C10orf53: variants seen among roughly 807,000 people sequenced by gnomAD.
C10orf53 encodes the protein chromosome 10 open reading frame 53.
C10orf53 carries 8 observed loss-of-function variants against 9.4 expected under a neutral mutation model. The ratio of observed to expected loss-of-function variants is 0.85; its 90% CI spans 0.50 to 1.53. The LOEUF (loss-of-function observed/expected upper bound fraction) is 1.53, where lower values mean the gene tolerates loss of function less well. Ranked by LOEUF, C10orf53 falls within the 40% of genes most tolerant of loss-of-function variation. The pLI, the probability that C10orf53 is intolerant of heterozygous loss-of-function variation, is 0.00. For missense variants in C10orf53, 117 were observed against 117.8 expected (o/e 0.99, Z 0.03); for synonymous variants, 48 against 46.0 (o/e 1.04, Z -0.18).
chr10:49,694,081 A>C (rs1372689221), intron 2 of C10orf53, 188 bp downstream of exon 2: 6 of 739,316 alleles, frequency 8.1e-6, no homozygotes, highest in Non-Finnish European at 1.3e-5. Context: ...CACACAGTAA[A>C]GTGTGTGATG....
downstream of C10orf53, among the ~76,000 whole-genome samples, chr10:49,699,965 T>G (rs1840668913): frequency 6.6e-6 from 1 of 151,912 alleles, no homozygotes; most frequent in Admixed American, 6.6e-5. Context: ...GCCTGCATGG[T>G]CACAGGTCTT....
chr10:49,683,049 T>C (rs889232227), intron 1 of C10orf53, among the ~76,000 whole-genome samples: 7 of 152,212 alleles, frequency 4.6e-5, no homozygotes, highest in African/African-American at 1.7e-4. Flanking sequence ...TAAACAAATA[T>C]CTGTTTGAAT....
downstream of C10orf53, among the ~76,000 whole-genome samples, chr10:49,700,401 C>T (rs575786394): frequency 2.4e-4 from 36 of 152,332 alleles, no homozygotes; most frequent in East Asian, 6.6e-3. Flanking sequence ...AAGCTACCTT[C>T]TGTCAGTCAT....
chr10:49,693,722 T>G, intron 1 of C10orf53, 52 bp from the exon 2 acceptor site: 2 of 1,570,886 alleles, frequency 1.3e-6, no homozygotes, highest in Non-Finnish European at 1.7e-6. Flanking sequence ...ACCAGTCAGG[T>G]TAGTTTGAAG....
rs1564507393 is a variant in C10orf53, at chr10:49,696,594, G to C, written c.*1992G>C. On this transcript the variant is annotated 3_prime_UTR_variant, in exon 3 of 3. Transcript: ENST00000374111. ...CCTTGGCTTCATGACCAGAGCTGAA[G>C]GGCAGGTAAGGCGAGACAGTACACG... Among the ~76,000 whole-genome samples, 3 of 152,194 alleles carry C rather than the reference G, an allele frequency of 2.0e-5. No homozygotes were observed. Among genetic ancestry groups the C allele is most frequent in the Non-Finnish European group, 4.4e-5 (3 of 68,046 alleles).
intron 1 of C10orf53, among the ~76,000 whole-genome samples, chr10:49,681,616 T>C (rs1840479616): frequency 6.6e-6 from 1 of 152,232 alleles, no homozygotes; most frequent in South Asian, 2.1e-4. Context: ...ATATATTTTT[T>C]CAGTCTAAAG....
chr10:49,681,601 T>C (rs1404898333), intron 1 of C10orf53, among the ~76,000 whole-genome samples: 2 of 152,180 alleles, frequency 1.3e-5, no homozygotes, highest in African/African-American at 4.8e-5. Context: ...ACTTAAACAA[T>C]AGAAATATAT....
chr10:49,699,899 C>T (rs892602798), downstream of C10orf53, among the ~76,000 whole-genome samples: 1 of 151,878 alleles, frequency 6.6e-6, no homozygotes, highest in Admixed American at 6.6e-5. Flanking sequence ...GCTCATCCCC[C>T]CCGAGATCAG....
At chr10:49,688,765 T>A (rs1186083914) in intron 1 of C10orf53, among the ~76,000 whole-genome samples, 1 of 152,130 alleles carries the variant, frequency 6.6e-6, no homozygotes, top group Non-Finnish European at 1.5e-5. Context: ...TGGAACGCTC[T>A]TTCCTACGTG....
chr10:49,690,146 G>A (rs1394772093), intron 1 of C10orf53, among the ~76,000 whole-genome samples: 1 of 152,190 alleles, frequency 6.6e-6, no homozygotes, highest in Non-Finnish European at 1.5e-5. Flanking sequence ...CACAATAGGG[G>A]AAGGGAAGAG....
chr10:49,702,728 A>T (rs947532095), intron 2 of C10orf53, among the ~76,000 whole-genome samples: 7 of 152,222 alleles, frequency 4.6e-5, no homozygotes, highest in Non-Finnish European at 8.8e-5. Context: ...ATAGATGTAG[A>T]TATAGACTAT....
intron 2 of C10orf53, among the ~76,000 whole-genome samples, chr10:49,706,249 G>T (rs1326764754): frequency 3.9e-5 from 6 of 152,184 alleles, no homozygotes; most frequent in South Asian, 2.1e-4. Flanking sequence ...ATACCCAAGA[G>T]AAATGAAAAC....
exon 3 of C10orf53, chr10:49,708,362 C>A: frequency 1.2e-6 from 2 of 1,613,556 alleles, no homozygotes; most frequent in Non-Finnish European, 8.5e-7. Context: ...TGTTCTCAGG[C>A]AAGCTCACCC....
At position 49,679,850 on chromosome 10, in the gene C10orf53, AG is replaced by A. The variant is rs11367300; in HGVS notation, c.97+58del. On this transcript the variant is annotated intron_variant, in intron 1 of 2. Transcript: ENST00000374111. ...GGCCCCAGCCTCTGAGCATCCGTGC[AG>A]GTGGTGCCCTGTGCCTAGGCCTTCC... is the stretch of plus-strand genomic sequence containing the variant. 5.7e-3 allele frequency: 8,338 copies of A among 1,469,298 alleles called. 284 individuals are homozygous for A. In the African/African-American group the frequency reaches 0.089, roughly 16 times the overall value. 91.0% of individuals were successfully genotyped at this position (1,469,298 alleles called of 1,614,324 possible).
At chr10:49,700,386 G>T (rs539345705), downstream of C10orf53, among the ~76,000 whole-genome samples, 1 of 152,348 alleles carries the variant, frequency 6.6e-6, no homozygotes, top group East Asian at 1.9e-4. Context: ...CCCCCAAGGG[G>T]AATGAAGCTA....
downstream of C10orf53, among the ~76,000 whole-genome samples, chr10:49,700,888 A>C (rs922873435): frequency 3.9e-5 from 6 of 152,256 alleles, no homozygotes; most frequent in Non-Finnish European, 8.8e-5. Context: ...AAAGCACATT[A>C]GATGATGCAG....
At chr10:49,702,987 CT>C (rs897876751) in intron 2 of C10orf53, among the ~76,000 whole-genome samples, 1 of 152,040 alleles carries the variant, frequency 6.6e-6, no homozygotes, top group African/African-American at 2.4e-5. Flanking sequence ...CCTTCTTTTT[CT>C]TTTTTCATCA....
chr10:49,699,527 A>G (rs1840665216), downstream of C10orf53, among the ~76,000 whole-genome samples: 1 of 152,002 alleles, frequency 6.6e-6, no homozygotes, highest in South Asian at 2.1e-4. Context: ...ATTGGTGCCA[A>G]CTGAAAAACC....
chr10:49,694,242 A>G (rs1840612938), intron 2 of C10orf53: 2 of 575,498 alleles, frequency 3.5e-6, no homozygotes, highest in African/African-American at 3.7e-5. Context: ...CTTTTTTTCC[A>G]CTTGTTTATT....
Sources: allele counts gnomAD v4.1 joint callset (sites outside exome capture counted in the v4.1 genomes callset), GRCh38; gene constraint gnomAD v4.1.1; transcripts MANE v1.5; gene names NCBI Gene and HGNC (gene_info 2026-07-23, HGNC 2026-07-21).